The following ATP1A3 variants were observed in gnomAD, a reference collection of about 807,000 sequenced individuals.
ATP1A3 encodes the protein ATPase Na+/K+ transporting subunit alpha 3, also known as sodium/potassium-transporting ATPase subunit alpha-3.
A neutral mutation model predicts 108.8 loss-of-function variants in ATP1A3; 12 were observed. The ratio of observed to expected loss-of-function variants is 0.11; its 90% CI spans 0.07 to 0.18. The LOEUF (loss-of-function observed/expected upper bound fraction) is 0.18. Ranked by LOEUF, ATP1A3 falls within the 10% of genes least tolerant of loss-of-function variation. The probability of loss-of-function intolerance (pLI) is 1.00; values close to 1 mark genes in which losing one functional copy is unlikely to be tolerated. For synonymous variants in ATP1A3, 539 were observed against 564.5 expected (o/e 0.95, Z 0.64); for missense variants, 498 against 1,387.7 (o/e 0.36, Z 10.19).
intron 8 of ATP1A3, 135 bp downstream of exon 8, chr19:41,984,783 C>G: frequency 9.2e-7 from 1 of 1,083,320 alleles, no homozygotes; most frequent in Non-Finnish European, 1.3e-6. Flanking sequence ...CCCTCCTCCC[C>G]CAGACACACG....
chr19:41,966,591 C>T lies in ATP1A3; in HGVS notation c.*346G>A. On this transcript the variant is annotated 3_prime_UTR_variant, in exon 23 of 23. Coordinates refer to ENST00000648268, the MANE Select transcript of ATP1A3 (RefSeq NM_152296.5). ...ACAACACACACACCGCTTCTCTCTCCCCACTGATATATTTGATAATTGTCC... is the reference window on the plus strand; with the variant it reads ...ACAACACACACACCGCTTCTCTCTCTCCACTGATATATTTGATAATTGTCC... 7.1e-7 allele frequency: 1 copy of T among 1,403,984 alleles called. No individual in the cohort carries two copies. Among genetic ancestry groups the T allele is most frequent in the Non-Finnish European group, 9.5e-7 (1 of 1,053,922 alleles). The allele number at this position is 1,403,984 out of a possible 1,614,324, so 87.0% of individuals were successfully genotyped here.
intron 14 of ATP1A3, among the ~76,000 whole-genome samples, chr19:41,977,598 G>C (rs985082450): frequency 6.6e-6 from 1 of 152,090 alleles, no homozygotes; most frequent in Non-Finnish European, 1.5e-5. Context: ...TACTCAAGAG[G>C]CTGAGGCAGA....
At position 41,970,040 on chromosome 19, in the gene ATP1A3, C is replaced by A. The variant is rs1033414224; in HGVS notation, c.2542+145G>T. ...GAGGTGGAGAAGGATGGGGTGCAGA[C>A]CCCCCCCACAGATAGCTCACTGGTT... On this transcript the variant is annotated intron_variant, in intron 18 of 22. Coordinates refer to ENST00000648268, the MANE Select transcript of ATP1A3 (RefSeq NM_152296.5). The A allele has an allele frequency of 7.6e-5, 97 of 1,278,660 alleles. 1 individual carries two copies. Among genetic ancestry groups the A allele is most frequent in the Non-Finnish European group, 1.0e-4 (92 of 905,116 alleles). The allele number at this position is 1,278,660 out of a possible 1,614,324, so 79.2% of individuals were successfully genotyped here. A position where few individuals can be genotyped will look rare whatever the true frequency, so the allele number is the denominator to read the frequency against.
chr19:41,984,793 G>C (rs1035452203), intron 8 of ATP1A3, 125 bp downstream of exon 8: 46 of 935,432 alleles, frequency 4.9e-5, no homozygotes, highest in East Asian at 1.2e-4. Context: ...CCAGACACAC[G>C]GGTCCAGGCC....
In ATP1A3 at chr19:41,985,748, G is replaced by A. The variant is rs533938478; in HGVS notation, c.606+116C>T. ...GAGGGCCTGGGGGCCTGGACTCCTG[G>A]GTCTGAGGGAGGAGGGGTTGGGACC... On this transcript the variant is annotated intron_variant, in intron 6 of 22. Coordinates refer to ENST00000648268, the MANE Select transcript of ATP1A3 (RefSeq NM_152296.5). The surrounding 1 kb of genome is among the most constrained non-coding windows in gnomAD (Gnocchi z 8.2). 8.8e-6 allele frequency: 13 copies of A among 1,484,948 alleles called. No individual in the cohort carries two copies. The South Asian group carries it at 1.7e-4, about 19-fold the overall frequency. The allele number at this position is 1,484,948 out of a possible 1,614,324, so 92.0% of individuals were successfully genotyped here.
At chr19:41,989,742 C>G (rs1427869590) in intron 1 of ATP1A3, among the ~76,000 whole-genome samples, 1 of 152,122 alleles carries the variant, frequency 6.6e-6, no homozygotes, top group Non-Finnish European at 1.5e-5. Flanking sequence ...TTCATCATCT[C>G]TCTGTCTCCT....
At chr19:41,972,871 A>AAGGCAGGC (rs1321401313) in intron 16 of ATP1A3, among the ~76,000 whole-genome samples, 1 of 133,394 alleles carries the variant, frequency 7.5e-6, no homozygotes, top group African/African-American at 2.9e-5. Flanking sequence ...AGAAGGAAGG[A>AAGGCAGGC]AGGCAGGCAG....
At chr19:41,989,567 T>C (rs1424819859) in intron 1 of ATP1A3, among the ~76,000 whole-genome samples, 2 of 150,604 alleles carry the variant, frequency 1.3e-5, no homozygotes, top group Admixed American at 6.6e-5. Flanking sequence ...GATCCGCCCG[T>C]CTCGGCCTCC....
chr19:41,977,032 T>A, intron 14 of ATP1A3, among the ~76,000 whole-genome samples: 1 of 151,588 alleles, frequency 6.6e-6, no homozygotes, highest in African/African-American at 2.4e-5. Flanking sequence ...GCTCTCGAAC[T>A]CCTGACCTCA....
chr19:41,978,488 C>T lies in ATP1A3; in HGVS notation c.1630+118G>A, dbSNP rs1555862238. The T allele has an allele frequency of 6.7e-7, 1 of 1,498,250 alleles. No homozygotes were observed. The highest frequency in any genetic ancestry group is 1.4e-5 in the African/African-American group (1 of 72,530). The allele number at this position is 1,498,250 out of a possible 1,614,324, so 92.8% of individuals were successfully genotyped here. On this transcript the variant is annotated intron_variant, in intron 12 of 22. Transcript: ENST00000648268. The surrounding 1 kb of genome is among the most constrained non-coding windows in gnomAD (Gnocchi z 8.3). ...TTCCCCTCTCATCCATCCATTCATT[C>T]ATTCATTCATTCATTTACAGTATAT...
chr19:41,993,406 T>C (rs2075358383), intron 1 of ATP1A3: 7 of 1,535,274 alleles, frequency 4.6e-6, no homozygotes, highest in Non-Finnish European at 6.1e-6. Context: ...GGCTCTCCTG[T>C]TCCTCTCCTC....
Position 41,967,290 on chromosome 19 carries a change from T to A in ATP1A3, c.2972A>T (p.Tyr991Phe), listed in dbSNP as rs1568851975. The A allele has an allele frequency of 6.2e-7, 1 of 1,613,406 alleles. No individual in the cohort carries two copies. The highest frequency in any genetic ancestry group is 8.5e-7 in the Non-Finnish European group (1 of 1,179,986). The change falls in exon 22 of 23, where the codon TAC (tyrosine) becomes TTC (phenylalanine). Residue 991 changes from tyrosine to phenylalanine, a missense_variant. By Grantham distance (22) the Tyr-to-Phe change is conservative. Around this residue, in one of 9 missense-constraint regions of ATP1A3, gnomAD observed 29 missense variants for 41.0 expected, o/e 0.71. Coordinates refer to ENST00000648268, the MANE Select transcript of ATP1A3 (RefSeq NM_152296.5). This position sits in a 1 kb window ranked among gnomAD's most constrained non-coding sequence, Gnocchi z 4.2. Reference sequence around the variant, plus strand: ...CAGGATGAGTTTGCGGATTTCGTCGTAGACGAAGATGAGGAAACTGTAGGG... The same window carrying A: ...CAGGATGAGTTTGCGGATTTCGTCGAAGACGAAGATGAGGAAACTGTAGGG... ...AFPYSFLIFV[Y>F]DEIRKLILRR... is the part of the protein sequence containing the mutation.
In ATP1A3 at chr19:41,994,128, G is replaced by A. The variant is rs782790139; in HGVS notation, c.-52C>T. 71 of 1,533,772 alleles carry A rather than the reference G, an allele frequency of 4.6e-5. No individual in the cohort carries two copies. The South Asian group carries it at 8.1e-4, about 17-fold the overall frequency. On this transcript the variant is annotated 5_prime_UTR_variant, in exon 1 of 23. Coordinates refer to ENST00000648268, the MANE Select transcript of ATP1A3 (RefSeq NM_152296.5). ...AGGCGGGCGGGGCGGGGACCTCGGG[G>A]CGGGCTCAGGCTCAGGCTTGGGCTG...
chr19:41,988,535 T>A lies in ATP1A3; in HGVS notation c.34A>T (p.Lys12Ter). The A allele has an allele frequency of 6.2e-7, 1 of 1,614,146 alleles. No individual in the cohort carries two copies. Among genetic ancestry groups the A allele is most frequent in the Non-Finnish European group, 8.5e-7 (1 of 1,180,028 alleles). Residue 12 changes from lysine (K) to a stop codon, truncating the protein, a stop_gained, in exon 2 of 23, where the codon AAG (lysine) becomes TAG (stop). Coordinates refer to ENST00000648268, the MANE Select transcript of ATP1A3 (RefSeq NM_152296.5). LOFTEE classifies it high-confidence loss of function. This position sits in a 1 kb window ranked among gnomAD's most constrained non-coding sequence, Gnocchi z 5.3. ...GDKKDDKDSP[K>*]KNKGKERRDL... ...CGGCGCTCCTTGCCCTTGTTCTTCT[T>A]GGGTGAGTCCTTGTCATCTTTCTTG...
rs532917316 is a variant in ATP1A3, at chr19:41,981,176, T to C, written c.1437+326A>G. On this transcript the variant is annotated intron_variant, in intron 11 of 22. Transcript: ENST00000648268. The surrounding 1 kb of genome is among the most constrained non-coding windows in gnomAD (Gnocchi z 5.0). ...CACACCTGGCTAATTAAAAAAAAAA[T>C]TTCGTACAGATGGGGTTTTGCCATC... Among the ~76,000 whole-genome samples the C allele has an allele frequency of 1.8e-4, 27 of 151,204 alleles. No individual in the cohort carries two copies. The highest frequency in any genetic ancestry group is 3.2e-4 in the Non-Finnish European group (22 of 67,836).
rs782377746 is a variant in ATP1A3, at chr19:41,981,872, AG to A, written c.1192+35del. On this transcript the variant is annotated intron_variant, in intron 9 of 22. Transcript: ENST00000648268. This position sits in a 1 kb window ranked among gnomAD's most constrained non-coding sequence, Gnocchi z 5.0. ...GTGAGGGCCAGGGACTCCTGGAGCC[AG>A]GCCCCCATGGTCCTCACCCGGGGCC... 4.3e-6 allele frequency: 7 copies of A among 1,614,232 alleles called. No individual in the cohort carries two copies. The East Asian group carries it at 1.3e-4, about 31-fold the overall frequency.
In ATP1A3 at chr19:41,988,681, T is replaced by A; in HGVS notation, c.7-119A>T. The A allele has an allele frequency of 6.3e-7, 1 of 1,586,686 alleles. No homozygotes were observed. Among genetic ancestry groups the A allele is most frequent in the Non-Finnish European group, 8.6e-7 (1 of 1,168,498 alleles). ...CTCCTGGCCGGTGCCCCTGCATCTC[T>A]GGGTGGGGGGTCTCTGTCTGCCTCT... On this transcript the variant is annotated intron_variant, in intron 1 of 22. Transcript: ENST00000648268. The surrounding 1 kb of genome is among the most constrained non-coding windows in gnomAD (Gnocchi z 5.3).
chr19:41,970,559 C>T lies in ATP1A3; in HGVS notation c.2264-17G>A. 6.2e-7 allele frequency: 1 copy of T among 1,612,800 alleles called. No individual in the cohort carries two copies. Among genetic ancestry groups the T allele is most frequent in the Non-Finnish European group, 8.5e-7 (1 of 1,179,526 alleles). On this transcript the variant is annotated splice_polypyrimidine_tract_variant and intron_variant, in intron 16 of 22. Coordinates refer to ENST00000648268, the MANE Select transcript of ATP1A3 (RefSeq NM_152296.5). Reference sequence around the variant, plus strand: ...TCAGGCGGCCTGTGGCACAGGCAGGCTCAGAGCAGGCGCCCATGCCAGGGA... The same window carrying T: ...TCAGGCGGCCTGTGGCACAGGCAGGTTCAGAGCAGGCGCCCATGCCAGGGA...
intron 16 of ATP1A3, among the ~76,000 whole-genome samples, chr19:41,971,049 C>T (rs58329983): frequency 3.0e-4 from 46 of 152,046 alleles, no homozygotes; most frequent in African/African-American, 9.2e-4. Context: ...ACTGCAACCT[C>T]GACTCCCAGG....
Sources: allele counts gnomAD v4.1 joint callset (sites outside exome capture counted in the v4.1 genomes callset), GRCh38; gene constraint gnomAD v4.1.1; regional missense constraint gnomAD v4.1.1; non-coding constraint Gnocchi (gnomAD v3.1); transcripts MANE v1.5; gene names NCBI Gene and HGNC (gene_info 2026-07-23, HGNC 2026-07-21).